Variants in SLC35F4 observed in about 807,000 individuals in gnomAD.
SLC35F4 encodes chromosome 14 open reading frame 36.
In SLC35F4, 24 loss-of-function variants were observed where a neutral mutation model predicts 44.2. The ratio of observed to expected loss-of-function variants is 0.54; its 90% CI spans 0.39 to 0.76. The LOEUF (loss-of-function observed/expected upper bound fraction) is 0.76. Ranked by LOEUF, SLC35F4 falls within the 30% of genes least tolerant of loss-of-function variation. The pLI is 0.00. For synonymous variants in SLC35F4, 238 were observed against 223.6 expected (o/e 1.06, Z -0.57); for missense variants, 562 against 586.1 (o/e 0.96, Z 0.42).
At chr14:57,977,691 G>A (rs1381855015) in intron 1 of SLC35F4, among the ~76,000 whole-genome samples, 1 of 152,250 alleles carries the variant, frequency 6.6e-6, no homozygotes, top group South Asian at 2.1e-4. Context: ...TTGTTTTACT[G>A]ACATTTTTCC....
chr14:57,929,549 G>A (rs1889652164), intron 1 of SLC35F4, among the ~76,000 whole-genome samples: 1 of 151,952 alleles, frequency 6.6e-6, no homozygotes, highest in African/African-American at 2.4e-5. Flanking sequence ...CCTCACTTTT[G>A]TATCTAACCT....
intron 1 of SLC35F4, among the ~76,000 whole-genome samples, chr14:57,765,828 T>C (rs902695351): frequency 1.3e-5 from 2 of 152,192 alleles, no homozygotes; most frequent in African/African-American, 4.8e-5. Flanking sequence ...AAGTGGGGTA[T>C]GGTCTCTAAA....
chr14:57,774,787 C>G (rs2077448396), intron 1 of SLC35F4, among the ~76,000 whole-genome samples: 1 of 152,224 alleles, frequency 6.6e-6, no homozygotes, highest in Non-Finnish European at 1.5e-5. Flanking sequence ...CCCTGTGCCA[C>G]TTTGCCTGCA....
chr14:57,593,788 CT>C, intron 2 of SLC35F4, 150 bp downstream of exon 2: 1 of 824,896 alleles, frequency 1.2e-6, no homozygotes, highest in Middle Eastern at 3.8e-4. Context: ...ATATATTTCC[CT>C]GCTTCCTTAT....
At chr14:57,925,177 C>T (rs969083108) in intron 1 of SLC35F4, among the ~76,000 whole-genome samples, 2 of 152,038 alleles carry the variant, frequency 1.3e-5, no homozygotes, top group Admixed American at 1.3e-4. Context: ...ATAGGCCCCA[C>T]TTCCATTAGG....
At chr14:57,608,788 GGGGGGGGGCGGC>G (rs753964274) in intron 1 of SLC35F4, among the ~76,000 whole-genome samples, 93,269 of 141,878 alleles carry the variant, frequency 0.66, 32,649 homozygotes, top group Non-Finnish European at 0.76. Flanking sequence ...AAAGATGGCC[GGGGGGGGGCGGC>G]GGGGGGAGAG....
At chr14:57,625,934 A>G (rs2072453260) in intron 1 of SLC35F4, among the ~76,000 whole-genome samples, 1 of 152,214 alleles carries the variant, frequency 6.6e-6, no homozygotes, top group Non-Finnish European at 1.5e-5. Context: ...AATGCCCATC[A>G]ATGATAGGCT....
intron 1 of SLC35F4, among the ~76,000 whole-genome samples, chr14:57,720,001 G>T (rs2076044943): frequency 6.6e-6 from 1 of 152,008 alleles, no homozygotes; most frequent in Non-Finnish European, 1.5e-5. Context: ...CCAGTTTTTT[G>T]AGGGTTTTTA....
intron 1 of SLC35F4, among the ~76,000 whole-genome samples, chr14:57,749,375 A>G (rs2076830946): frequency 6.6e-6 from 1 of 152,180 alleles, no homozygotes; most frequent in South Asian, 2.1e-4. Context: ...CATTAATGTG[A>G]CATCCAAGTG....
intron 1 of SLC35F4, among the ~76,000 whole-genome samples, chr14:57,702,239 T>G (rs1470127011): frequency 2.0e-5 from 3 of 151,916 alleles, no homozygotes; most frequent in Admixed American, 6.6e-5. Flanking sequence ...TAAAAACCTT[T>G]GTCCTCCTTT....
In SLC35F4 at chr14:57,650,909, A is replaced by G. The variant is rs145728269; in HGVS notation, c.104-56785T>C. Among the ~76,000 whole-genome samples, 1,067 of 152,294 alleles carry G rather than the reference A, an allele frequency of 7.0e-3. 7 individuals carry two copies. Among genetic ancestry groups the G allele is most frequent in the Non-Finnish European group, 0.012 (807 of 68,030 alleles). On this transcript the variant is annotated intron_variant, in intron 1 of 7. Transcript: ENST00000556826. The stretch of plus-strand genomic sequence containing the variant: ...CTGGAACCCTTCCTCAGCTCCTGGC[A>G]TGGCTGGGAACTTGTAATCCTTCAG...
At chr14:57,773,774 A>G (rs1003570784) in intron 1 of SLC35F4, among the ~76,000 whole-genome samples, 3 of 152,206 alleles carry the variant, frequency 2.0e-5, no homozygotes, top group African/African-American at 7.2e-5. Flanking sequence ...GTGAAAGTAC[A>G]GTCACTTCCA....
At chr14:57,830,694 G>A (rs1040120976) in intron 1 of SLC35F4, among the ~76,000 whole-genome samples, 1 of 152,114 alleles carries the variant, frequency 6.6e-6, no homozygotes, top group African/African-American at 2.4e-5. Flanking sequence ...TGGGAAAATG[G>A]TATATGCCTG....
intron 1 of SLC35F4, among the ~76,000 whole-genome samples, chr14:57,597,862 A>G (rs1281457196): frequency 6.6e-6 from 1 of 152,184 alleles, no homozygotes; most frequent in Non-Finnish European, 1.5e-5. Context: ...CTCACCTGTT[A>G]CTTGAAAAGG....
At chr14:57,616,041 TTA>T (rs1489855342) in intron 1 of SLC35F4, among the ~76,000 whole-genome samples, 2 of 152,238 alleles carry the variant, frequency 1.3e-5, no homozygotes, top group Non-Finnish European at 2.9e-5. Flanking sequence ...TGCTATTCTC[TTA>T]TGTTTTTATA....
rs1390056766 is a variant in SLC35F4 at position 57,808,374 on chromosome 14, A to G, written c.103+57349T>C. On this transcript the variant is annotated intron_variant, in intron 1 of 7. Transcript: ENST00000556826. ...TATAGAAAGTGATCATGACAAAGGC[A>G]GTCAAAAGACATGAATGTTATCACA... Among the ~76,000 whole-genome samples, 3 of 152,040 alleles carry G rather than the reference A, an allele frequency of 2.0e-5. No homozygotes were observed. The East Asian group carries it at 5.8e-4, about 29-fold the overall frequency.
chr14:57,599,345 C>T (rs2070677386), intron 1 of SLC35F4, among the ~76,000 whole-genome samples: 1 of 152,210 alleles, frequency 6.6e-6, no homozygotes, highest in Non-Finnish European at 1.5e-5. Flanking sequence ...AATGCAAATT[C>T]TTAGTGCCAA....
intron 1 of SLC35F4, among the ~76,000 whole-genome samples, chr14:57,905,569 CAG>C (rs1323162072): frequency 1.3e-5 from 2 of 152,152 alleles, no homozygotes; most frequent in African/African-American, 2.4e-5. Flanking sequence ...TGTGGCCATG[CAG>C]AGTTAGAAAG....
intron 1 of SLC35F4, among the ~76,000 whole-genome samples, chr14:57,753,364 C>A (rs549598109): frequency 1.3e-5 from 2 of 152,308 alleles, no homozygotes; most frequent in East Asian, 3.9e-4. Context: ...AGCACCTGGG[C>A]AGCCCCATGG....
Sources: gnomAD v4.1 joint callset for allele counts (sites outside exome capture counted in the v4.1 genomes callset) on GRCh38, gnomAD v4.1.1 for gene constraint, MANE v1.5 for transcripts, NCBI Gene and HGNC (gene_info 2026-07-23, HGNC 2026-07-21) for gene names.